The following FILIP1L variants were observed in gnomAD, a reference collection of about 807,000 sequenced individuals.
FILIP1L encodes the protein filamin A-interacting protein 1-like.
Under a neutral mutation model 96.6 loss-of-function variants are expected in FILIP1L, and 55 were observed. The ratio of observed to expected loss-of-function variants is 0.57; its 90% CI spans 0.46 to 0.71. The LOEUF (loss-of-function observed/expected upper bound fraction) is 0.71. Ranked by LOEUF, FILIP1L falls within the 30% of genes least tolerant of loss-of-function variation. FILIP1L has a pLI of 0.00. For synonymous variants in FILIP1L, 467 were observed against 473.9 expected, an observed-to-expected ratio of 0.99 and a Z score of 0.19; for missense variants, 1,304 against 1,321.2, an observed-to-expected ratio of 0.99 and a Z score of 0.20.
chr3:99,979,152 C>T (rs1458696641), intron 1 of FILIP1L, among the ~76,000 whole-genome samples: 1 of 152,170 alleles, frequency 6.6e-6, no homozygotes, highest in Non-Finnish European at 1.5e-5. Context: ...CTGATTTGAT[C>T]ATTACACACT....
chr3:99,967,383 G>T (rs114312381), intron 1 of FILIP1L, among the ~76,000 whole-genome samples: 1 of 152,164 alleles, frequency 6.6e-6, no homozygotes, highest in Non-Finnish European at 1.5e-5. Context: ...GAAGCTTCTC[G>T]TGAAGAGTAA....
At chr3:100,103,032 T>C (rs1005846374) in intron 1 of FILIP1L, among the ~76,000 whole-genome samples, 4 of 152,198 alleles carry the variant, frequency 2.6e-5, no homozygotes, top group African/African-American at 4.8e-5. Flanking sequence ...AGGTTGAGGC[T>C]TGGGAGACTA....
chr3:100,068,167 T>C (rs1017968), intron 1 of FILIP1L, among the ~76,000 whole-genome samples: 27,697 of 152,254 alleles, frequency 0.18, 2,912 homozygotes, highest in South Asian at 0.25. Context: ...AATACCATTG[T>C]TTGCATGTCA....
chr3:99,977,008 C>T (rs988935955), intron 1 of FILIP1L, among the ~76,000 whole-genome samples: 1 of 152,166 alleles, frequency 6.6e-6, no homozygotes, highest in Non-Finnish European at 1.5e-5. Flanking sequence ...CTATGATCAC[C>T]GTTTAGCAAG....
At chr3:100,077,302 G>T (rs2065865233) in intron 1 of FILIP1L, among the ~76,000 whole-genome samples, 1 of 152,208 alleles carries the variant, frequency 6.6e-6, no homozygotes, top group Admixed American at 6.5e-5. Context: ...TTCTTAAGAA[G>T]TAGACTCAGG....
chr3:100,072,048 T>C (rs1210512219), intron 1 of FILIP1L, among the ~76,000 whole-genome samples: 1 of 152,214 alleles, frequency 6.6e-6, no homozygotes, highest in Admixed American at 6.5e-5. Context: ...AGGATAAAAC[T>C]GTCATCTTTG....
intron 1 of FILIP1L, among the ~76,000 whole-genome samples, chr3:100,081,912 T>C (rs571093970): frequency 1.6e-4 from 24 of 152,244 alleles, no homozygotes; most frequent in African/African-American, 5.3e-4. Context: ...TAAAAATGTC[T>C]CCAGACACTG....
intron 1 of FILIP1L, among the ~76,000 whole-genome samples, chr3:99,989,790 G>T (rs1709460083): frequency 6.6e-6 from 1 of 151,400 alleles, no homozygotes; most frequent in Admixed American, 6.6e-5. Flanking sequence ...GTTAGATATT[G>T]ATTTGATAGA....
At chr3:99,942,598 G>A (rs1416254686) in intron 1 of FILIP1L, among the ~76,000 whole-genome samples, 6 of 152,176 alleles carry the variant, frequency 3.9e-5, no homozygotes, top group African/African-American at 9.6e-5. Flanking sequence ...TTGGGAGACC[G>A]AGGCGGGCGG....
intron 1 of FILIP1L, among the ~76,000 whole-genome samples, chr3:99,956,176 C>T (rs1471843220): frequency 6.6e-6 from 1 of 152,156 alleles, no homozygotes; most frequent in Non-Finnish European, 1.5e-5. Context: ...CATGCCCTTT[C>T]TTCCACTTAT....
At chr3:99,919,074 AGCTT>A (rs1707044418) in intron 4 of FILIP1L, among the ~76,000 whole-genome samples, 1 of 152,140 alleles carries the variant, frequency 6.6e-6, no homozygotes, top group Admixed American at 6.5e-5. Flanking sequence ...ATTTTTTTAA[AGCTT>A]TATACCCACT....
chr3:100,062,275 C>A (rs1393620051), intron 1 of FILIP1L, among the ~76,000 whole-genome samples: 1 of 151,594 alleles, frequency 6.6e-6, no homozygotes, highest in Non-Finnish European at 1.5e-5. Context: ...CCACGCCCAG[C>A]TATTTTTTTG....
chr3:100,047,961 AT>A (rs1373663518), intron 1 of FILIP1L, among the ~76,000 whole-genome samples: 3 of 152,196 alleles, frequency 2.0e-5, no homozygotes, highest in Non-Finnish European at 4.4e-5. Flanking sequence ...GAAAGAACGA[AT>A]TGTCCCTCCT....
intron 4 of FILIP1L, among the ~76,000 whole-genome samples, chr3:99,906,078 A>T (rs1706606370): frequency 1.3e-5 from 2 of 152,144 alleles, no homozygotes. Context: ...CTGTGGTCCC[A>T]GCTACCTGCG....
At chr3:100,078,431 A>G (rs1464583161) in intron 1 of FILIP1L, among the ~76,000 whole-genome samples, 3 of 152,208 alleles carry the variant, frequency 2.0e-5, no homozygotes, top group Non-Finnish European at 4.4e-5. Flanking sequence ...CTATTGCTAC[A>G]TAGCAAACCA....
intron 1 of FILIP1L, among the ~76,000 whole-genome samples, chr3:100,061,549 A>C (rs6806178): frequency 0.21 from 32,097 of 152,222 alleles, 3,518 homozygotes; most frequent in South Asian, 0.26. Context: ...GAGAAAGAAG[A>C]TGGAACTTTT....
intron 1 of FILIP1L, among the ~76,000 whole-genome samples, chr3:100,094,036 A>T (rs186935529): frequency 6.6e-6 from 1 of 152,230 alleles, no homozygotes; most frequent in Non-Finnish European, 1.5e-5. Context: ...ACCAACTTAC[A>T]TTCCTACCAG....
chr3:99,942,828 C>CAA (rs55862003), intron 1 of FILIP1L, among the ~76,000 whole-genome samples: 1 of 126,080 alleles, frequency 7.9e-6, no homozygotes, highest in Non-Finnish European at 1.7e-5. Flanking sequence ...GACTCTGTCT[C>CAA]AAAAAAAAAA....
chr3:99,967,749 G>A (rs1199934482), intron 1 of FILIP1L, among the ~76,000 whole-genome samples: 5 of 152,206 alleles, frequency 3.3e-5, no homozygotes, highest in African/African-American at 9.6e-5. Flanking sequence ...AAATAGAAAT[G>A]TAGATGTGGA....
Sources: allele counts gnomAD v4.1 joint callset (sites outside exome capture counted in the v4.1 genomes callset), GRCh38; gene constraint gnomAD v4.1.1; transcripts MANE v1.5; gene names NCBI Gene and HGNC (gene_info 2026-07-23, HGNC 2026-07-21).